The following SPOCK3 variants were observed in gnomAD, a reference collection of about 807,000 sequenced individuals.
The protein encoded by SPOCK3 is SPARC (osteonectin), cwcv and kazal like domains proteoglycan 3, also known as testican-3.
Under a neutral mutation model 56.6 loss-of-function variants are expected in SPOCK3, and 30 were observed. That is an observed-to-expected ratio of 0.53 (90% confidence interval 0.40 to 0.72). The LOEUF is 0.72. SPOCK3 is among the 30% of genes least tolerant of loss of function. SPOCK3 has a pLI of 0.00. For missense variants in SPOCK3, 527 were observed against 530.0 expected (o/e 0.99, Z 0.06); for synonymous variants, 196 against 183.3 (o/e 1.07, Z -0.56).
chr4:166,894,812 T>C (rs567181177), intron 5 of SPOCK3, among the ~76,000 whole-genome samples: 1 of 152,268 alleles, frequency 6.6e-6, no homozygotes, highest in Admixed American at 6.5e-5. Context: ...ATCTCTAATT[T>C]TCCAAACAGG....
At chr4:166,985,483 T>C (rs567388874) in intron 4 of SPOCK3, among the ~76,000 whole-genome samples, 1 of 152,302 alleles carries the variant, frequency 6.6e-6, no homozygotes, top group Admixed American at 6.5e-5. Context: ...ACAGAAAACA[T>C]GTCACTTTGT....
intron 2 of SPOCK3, 58 bp downstream of exon 2, chr4:167,233,927 G>A (rs2111195269): frequency 1.3e-5 from 20 of 1,504,322 alleles, no homozygotes; most frequent in Non-Finnish European, 1.8e-5. Context: ...GGCGGCCGCG[G>A]CCCCCGCCTC....
intron 4 of SPOCK3, among the ~76,000 whole-genome samples, chr4:166,975,543 T>A (rs1561074932): frequency 6.6e-6 from 1 of 152,302 alleles, no homozygotes; most frequent in East Asian, 1.9e-4. Context: ...AAATATACTA[T>A]AAATTACTGT....
chr4:167,093,264 G>A (rs1180511128), intron 2 of SPOCK3, among the ~76,000 whole-genome samples: 1 of 152,006 alleles, frequency 6.6e-6, no homozygotes, highest in Non-Finnish European at 1.5e-5. Flanking sequence ...AATACATATT[G>A]ATAACCAATT....
At chr4:166,940,522 G>A (rs984853775) in intron 4 of SPOCK3, among the ~76,000 whole-genome samples, 3 of 151,898 alleles carry the variant, frequency 2.0e-5, no homozygotes, top group Non-Finnish European at 4.4e-5. Context: ...TTCAAGCAAA[G>A]CTATCTTCGG....
Position 166,734,782 on chromosome 4 carries a change from T to C in SPOCK3, c.*139A>G, listed in dbSNP as rs1235927922. 1.4e-6 allele frequency: 1 copy of C among 730,184 alleles called. No homozygotes were observed. The highest frequency in any genetic ancestry group is 1.8e-5 in the African/African-American group (1 of 54,860). The allele number at this position is 730,184 out of a possible 1,614,324, so 45.2% of individuals were successfully genotyped here. A position where few individuals can be genotyped will look rare whatever the true frequency, so the allele number is the denominator to read the frequency against. On this transcript the variant is annotated 3_prime_UTR_variant, in exon 11 of 11. Transcript: ENST00000357545. ...AAACATAAAGTTCTATAACTTTAGC[T>C]GCAATTTTTCAAATAATTATACAAA...
chr4:167,043,610 C>A (rs1338918357), intron 3 of SPOCK3, among the ~76,000 whole-genome samples: 1 of 151,890 alleles, frequency 6.6e-6, no homozygotes, highest in Non-Finnish European at 1.5e-5. Flanking sequence ...AGAAGTCAAC[C>A]TCTATTCCTA....
intron 7 of SPOCK3, among the ~76,000 whole-genome samples, chr4:166,786,739 A>G (rs1195866999): frequency 6.6e-6 from 1 of 152,176 alleles, no homozygotes; most frequent in Non-Finnish European, 1.5e-5. Flanking sequence ...GTTCAACTTA[A>G]TATTTGTAAT....
intron 4 of SPOCK3, among the ~76,000 whole-genome samples, chr4:166,979,826 C>T (rs191649634): frequency 1.2e-3 from 190 of 152,302 alleles, no homozygotes; most frequent in Non-Finnish European, 1.9e-3. Flanking sequence ...CCAAGCTGAG[C>T]TCTTGTGATA....
chr4:167,159,254 A>G (rs1263297330), intron 2 of SPOCK3, among the ~76,000 whole-genome samples: 1 of 152,054 alleles, frequency 6.6e-6, no homozygotes, highest in Non-Finnish European at 1.5e-5. Flanking sequence ...CATGGTGATT[A>G]TTACTATAAT....
chr4:166,967,628 G>C (rs4431249), intron 4 of SPOCK3, among the ~76,000 whole-genome samples: 53,002 of 152,052 alleles, frequency 0.35, 11,016 homozygotes, highest in African/African-American at 0.59. Flanking sequence ...CAGTCCCACT[G>C]TATAGTCCAT....
rs769541844 is a variant in SPOCK3, at chr4:167,234,187, C to T, written c.1-14G>A. The T allele has an allele frequency of 1.2e-6, 2 of 1,611,344 alleles. No homozygotes were observed. Among genetic ancestry groups the T allele is most frequent in the Admixed American group, 1.7e-5 (1 of 59,886 alleles). On this transcript the variant is annotated splice_polypyrimidine_tract_variant and intron_variant, in intron 1 of 10. Coordinates refer to ENST00000357545, the MANE Select transcript of SPOCK3 (RefSeq NM_001040159.2). ...CACCTTGAGCATCTGGGAGAGGAGA[C>T]ACAACGGGGGGTGGGGGGGCATGTC...
rs535189864 is a variant in SPOCK3 at position 166,829,733 on chromosome 4, T to C, written c.590-37444A>G. Among the ~76,000 whole-genome samples the C allele has an allele frequency of 2.0e-4, 31 of 152,240 alleles. 2 individuals carry two copies. In the South Asian group the frequency reaches 6.4e-3, roughly 32 times the overall value. On this transcript the variant is annotated intron_variant, in intron 6 of 10. Coordinates refer to ENST00000357545, the MANE Select transcript of SPOCK3 (RefSeq NM_001040159.2). ...TCATCTACGTCTCAGATAGATAATA[T>C]TGTCTTAGATAATATTGTGTAGCTT... is the stretch of plus-strand genomic sequence containing the variant.
chr4:167,226,186 G>C (rs936252306), intron 2 of SPOCK3, among the ~76,000 whole-genome samples: 3 of 152,078 alleles, frequency 2.0e-5, no homozygotes, highest in Non-Finnish European at 2.9e-5. Flanking sequence ...AAACAGCATT[G>C]GTAAGTAGAT....
chr4:167,181,676 G>A (rs1160968584), intron 2 of SPOCK3, among the ~76,000 whole-genome samples: 1 of 152,070 alleles, frequency 6.6e-6, no homozygotes, highest in East Asian at 1.9e-4. Flanking sequence ...GTTTTCACTT[G>A]CTTTGTCTTC....
At chr4:166,840,771 G>GTTTTTT (rs70955697) in intron 6 of SPOCK3, among the ~76,000 whole-genome samples, 3,244 of 68,158 alleles carry the variant, frequency 0.048, 538 homozygotes, top group East Asian at 0.18. Context: ...AGAAGCAAAA[G>GTTTTTT]TTTTTTTTTT....
At chr4:167,052,149 AT>A (rs1324395052) in intron 3 of SPOCK3, among the ~76,000 whole-genome samples, 2 of 152,202 alleles carry the variant, frequency 1.3e-5, no homozygotes, top group Non-Finnish European at 2.9e-5. Context: ...ACAATCAAAG[AT>A]TTTTGGTGCT....
At chr4:166,961,979 C>T (rs1041431785) in intron 4 of SPOCK3, among the ~76,000 whole-genome samples, 9 of 151,942 alleles carry the variant, frequency 5.9e-5, no homozygotes, top group African/African-American at 2.2e-4. Context: ...AGAATTAGTC[C>T]TTGTCTTTTC....
chr4:166,968,262 T>C (rs1295742900), intron 4 of SPOCK3, among the ~76,000 whole-genome samples: 1 of 152,058 alleles, frequency 6.6e-6, no homozygotes, highest in Non-Finnish European at 1.5e-5. Flanking sequence ...AAAAACTCAT[T>C]TTCTGGGTTG....
Sources: allele counts gnomAD v4.1 joint callset (sites outside exome capture counted in the v4.1 genomes callset), GRCh38; gene constraint gnomAD v4.1.1; transcripts MANE v1.5; gene names NCBI Gene and HGNC (gene_info 2026-07-23, HGNC 2026-07-21).